Variants in RABGAP1L observed in about 807,000 individuals in gnomAD.
RABGAP1L encodes the protein RAB GTPase activating protein 1 like.
Under a neutral mutation model 137.7 loss-of-function variants are expected in RABGAP1L, and 63 were observed. The ratio of observed to expected loss-of-function variants is 0.46; its 90% confidence interval spans 0.37 to 0.56. The LOEUF (loss-of-function observed/expected upper bound fraction) is 0.56, where lower values mean the gene tolerates loss of function less well. Ranked by LOEUF, RABGAP1L falls within the 20% of genes least tolerant of loss-of-function variation. RABGAP1L has a pLI of 0.00. For synonymous variants in RABGAP1L, 431 were observed against 433.7 expected (o/e 0.99, Z 0.08); for missense variants, 1,095 against 1,244.0 (o/e 0.88, Z 1.80).
chr1:174,403,598 A>G lies in RABGAP1L; in HGVS notation c.1710+9453A>G, dbSNP rs114432803. Among the ~76,000 whole-genome samples, 248 of 152,258 alleles carry G rather than the reference A, an allele frequency of 1.6e-3. 1 individual carries two copies. Among genetic ancestry groups the G allele is most frequent in the South Asian group, 4.3e-3 (21 of 4,828 alleles). ...TAAGTACTCATGATTAGCTTCTGCT[A>G]TCTTTATCAATATGATATTACATCA... On this transcript the variant is annotated intron_variant, in intron 13 of 25. Transcript: ENST00000681986.
At position 174,871,664 on chromosome 1, in the gene RABGAP1L, A is replaced by G. The variant is rs139752833; in HGVS notation, c.2340+59704A>G. Among the ~76,000 whole-genome samples the G allele has an allele frequency of 1.6e-3, 237 of 152,304 alleles. 3 individuals carry two copies. The highest frequency in any genetic ancestry group is 5.4e-3 in the African/African-American group (225 of 41,558). ...AATCCTATTGCTGTTCCCTAAACCT[A>G]CCCTCTGATCTTATGAAAAAACGAA... On this transcript the variant is annotated intron_variant, in intron 19 of 25. Coordinates refer to ENST00000681986, the MANE Select transcript of RABGAP1L (RefSeq NM_001366446.1).
chr1:174,595,675 G>T (rs1329667083), intron 13 of RABGAP1L, among the ~76,000 whole-genome samples: 1 of 147,564 alleles, frequency 6.8e-6, no homozygotes, highest in Non-Finnish European at 1.5e-5. Context: ...TCGGGGGTCA[G>T]GGGTCAGGGA....
chr1:174,475,353 G>C (rs72713600), intron 13 of RABGAP1L, among the ~76,000 whole-genome samples: 4,740 of 152,098 alleles, frequency 0.031, 101 homozygotes, highest in Non-Finnish European at 0.044. Flanking sequence ...ACTGTCTTTG[G>C]CAGTTATTTT....
intron 13 of RABGAP1L, among the ~76,000 whole-genome samples, chr1:174,526,337 A>T (rs917634520): frequency 1.3e-5 from 2 of 152,076 alleles, no homozygotes; most frequent in Non-Finnish European, 2.9e-5. Context: ...TTTTGGTATC[A>T]TGGTAATGCT....
chr1:174,394,033 C>A lies in RABGAP1L; in HGVS notation c.1598C>A (p.Thr533Asn). 4 of 1,613,768 alleles carry A rather than the reference C, an allele frequency of 2.5e-6. No individual in the cohort carries two copies. The highest frequency in any genetic ancestry group is 3.4e-6 in the Non-Finnish European group (4 of 1,179,790). ...NLGARPKGLS[T>N]LVKSGVPEAL... is the part of the protein sequence containing the mutation. ...GGTGCACGACCGAAAGGGCTGTCTA[C>A]TCTGGTGAAGAGTGGTGTCCCTGAA... Residue 533 changes from threonine to asparagine, a missense_variant, in exon 13 of 26, where the codon ACT (threonine) becomes AAT (asparagine). Transcript: ENST00000681986.
chr1:174,953,947 A>G (rs781663256), intron 19 of RABGAP1L, among the ~76,000 whole-genome samples: 4 of 152,132 alleles, frequency 2.6e-5, no homozygotes, highest in Admixed American at 1.3e-4. Context: ...TTGTTTACTT[A>G]TGTTGACCAG....
intron 13 of RABGAP1L, among the ~76,000 whole-genome samples, chr1:174,511,530 A>T (rs954898966): frequency 1.3e-5 from 2 of 151,896 alleles, no homozygotes; most frequent in African/African-American, 4.8e-5. Flanking sequence ...AGGTATACTG[A>T]GCATGCTTCT....
At position 174,499,662 on chromosome 1, in the gene RABGAP1L, A is replaced by G. The variant is rs1558286430; in HGVS notation, c.1710+105517A>G. Among the ~76,000 whole-genome samples, 3 of 152,210 alleles carry G rather than the reference A, an allele frequency of 2.0e-5. No homozygotes were observed. The South Asian group carries it at 6.2e-4, about 32-fold the overall frequency. On this transcript the variant is annotated intron_variant, in intron 13 of 25. Transcript: ENST00000681986. Reference sequence around the variant, plus strand: ...AATGGGAGTGATGGCAATTATCTCAACGAATTATTGTGAAGATGAAATGAT... The same window carrying G: ...AATGGGAGTGATGGCAATTATCTCAGCGAATTATTGTGAAGATGAAATGAT...
intron 18 of RABGAP1L, among the ~76,000 whole-genome samples, chr1:174,769,230 G>C (rs1021226187): frequency 6.6e-6 from 1 of 152,140 alleles, no homozygotes; most frequent in African/African-American, 2.4e-5. Context: ...GAGGTGGCTA[G>C]ACAATGGATA....
chr1:174,662,394 G>A (rs1676455379), intron 14 of RABGAP1L, among the ~76,000 whole-genome samples: 1 of 151,346 alleles, frequency 6.6e-6, no homozygotes, highest in Admixed American at 6.6e-5. Flanking sequence ...GTGAGCCACC[G>A]CGCCTGGCCT....
At chr1:174,619,477 C>A (rs925042895) in intron 13 of RABGAP1L, among the ~76,000 whole-genome samples, 4 of 150,554 alleles carry the variant, frequency 2.7e-5, no homozygotes, top group African/African-American at 4.9e-5. Context: ...AGAGTGGGGG[C>A]CAATATTCAA....
At chr1:174,378,223 G>T (rs1558181965) in intron 12 of RABGAP1L, among the ~76,000 whole-genome samples, 1 of 150,728 alleles carries the variant, frequency 6.6e-6, no homozygotes, top group Non-Finnish European at 1.5e-5. Flanking sequence ...CTTTGCTATT[G>T]TGAATAATGC....
At chr1:174,369,309 C>G (rs1684902603) in intron 11 of RABGAP1L, among the ~76,000 whole-genome samples, 1 of 152,126 alleles carries the variant, frequency 6.6e-6, no homozygotes, top group African/African-American at 2.4e-5. Flanking sequence ...CCCATCTCAG[C>G]CTCCTGAGTA....
At chr1:174,874,467 G>GTGGC in intron 19 of RABGAP1L, 4 of 984,966 alleles carry the variant, frequency 4.1e-6, no homozygotes, top group Non-Finnish European at 4.8e-6. Flanking sequence ...TACCGGGAGT[G>GTGGC]TGGCTGGTTT....
At chr1:174,952,743 C>T (rs190697526) in intron 19 of RABGAP1L, among the ~76,000 whole-genome samples, 35 of 152,078 alleles carry the variant, frequency 2.3e-4, no homozygotes, top group Admixed American at 3.3e-4. Context: ...GCATGTGCCA[C>T]GATGCTCAGC....
At chr1:174,266,454 T>A (rs1674081800) in intron 7 of RABGAP1L, among the ~76,000 whole-genome samples, 1 of 152,212 alleles carries the variant, frequency 6.6e-6, no homozygotes, top group South Asian at 2.1e-4. Flanking sequence ...TATGTGTGTA[T>A]ATACAGGCAG....
At chr1:174,723,804 C>A (rs1681773304) in intron 17 of RABGAP1L, among the ~76,000 whole-genome samples, 1 of 152,156 alleles carries the variant, frequency 6.6e-6, no homozygotes. Flanking sequence ...CCTTTTCTTA[C>A]ACACAGCTCT....
At chr1:174,771,358 T>A (rs923635038) in intron 18 of RABGAP1L, among the ~76,000 whole-genome samples, 1 of 152,196 alleles carries the variant, frequency 6.6e-6, no homozygotes, top group Non-Finnish European at 1.5e-5. Context: ...TATGTGTGTA[T>A]GTTTGTATGT....
At chr1:174,952,032 G>C (rs529926571) in intron 19 of RABGAP1L, among the ~76,000 whole-genome samples, 1 of 152,168 alleles carries the variant, frequency 6.6e-6, no homozygotes, top group Non-Finnish European at 1.5e-5. Flanking sequence ...TCTCTTTTCT[G>C]TGTGTAAGTT....
Sources: allele counts gnomAD v4.1 joint callset (sites outside exome capture counted in the v4.1 genomes callset), GRCh38; gene constraint gnomAD v4.1.1; transcripts MANE v1.5; gene names NCBI Gene and HGNC (gene_info 2026-07-23, HGNC 2026-07-21).